Variants in BRINP3 observed in about 807,000 individuals in gnomAD.
The protein encoded by BRINP3 is BMP/retinoic acid inducible neural specific 3.
BRINP3 carries 19 observed loss-of-function variants against 71.0 expected under a neutral mutation model. The ratio of observed to expected loss-of-function variants is 0.27; its 90% CI spans 0.19 to 0.39. BRINP3 has a LOEUF of 0.39. Ranked by LOEUF, BRINP3 falls within the 10% of genes least tolerant of loss-of-function variation. BRINP3 has a pLI of 1.00. For missense variants in BRINP3, 959 were observed against 940.8 expected (o/e 1.02, Z -0.25); for synonymous variants, 380 against 337.7 (o/e 1.13, Z -1.37).
intron 2 of BRINP3, among the ~76,000 whole-genome samples, chr1:190,408,424 A>T (rs188746643): frequency 1.3e-3 from 195 of 152,172 alleles, no homozygotes; most frequent in African/African-American, 4.5e-3. Context: ...ACGATTTTCC[A>T]TGTAATTATG....
At chr1:190,445,509 T>G (rs1307556919) in intron 2 of BRINP3, among the ~76,000 whole-genome samples, 1 of 152,010 alleles carries the variant, frequency 6.6e-6, no homozygotes, top group African/African-American at 2.4e-5. Context: ...CAAATCACTT[T>G]TTTCTCATTA....
chr1:190,413,194 C>T (rs1037834178), intron 2 of BRINP3, among the ~76,000 whole-genome samples: 5 of 151,408 alleles, frequency 3.3e-5, no homozygotes, highest in African/African-American at 4.8e-5. Context: ...CGTGCATGTG[C>T]GTGTGTGTGT....
intron 6 of BRINP3, among the ~76,000 whole-genome samples, chr1:190,222,493 G>A (rs1001937180): frequency 2.0e-5 from 3 of 151,630 alleles, no homozygotes; most frequent in Admixed American, 6.6e-5. Flanking sequence ...CTCAACGAAC[G>A]AGAAAAGCAA....
intron 6 of BRINP3, among the ~76,000 whole-genome samples, chr1:190,179,033 T>C (rs1652804939): frequency 6.6e-6 from 1 of 152,150 alleles, no homozygotes; most frequent in African/African-American, 2.4e-5. Context: ...AATGTCAGCA[T>C]AATATTTAAA....
intron 2 of BRINP3, among the ~76,000 whole-genome samples, chr1:190,378,281 A>AG (rs1480627013): frequency 6.6e-6 from 1 of 152,186 alleles, no homozygotes; most frequent in East Asian, 1.9e-4. Flanking sequence ...CAGAAAAAAA[A>AG]CAAAAATGCT....
chr1:190,447,770 C>A (rs1380012149), intron 2 of BRINP3, among the ~76,000 whole-genome samples: 1 of 151,242 alleles, frequency 6.6e-6, no homozygotes, highest in Non-Finnish European at 1.5e-5. Flanking sequence ...ATTATTTTAA[C>A]TCTATTTTTA....
rs144135765 is a variant in BRINP3, at chr1:190,444,564, C to T, written c.236+10091G>A. ...ATTTATTTATTTTTTGAGACAGAGT[C>T]TTGCTCTGTCGCCAGCCTGGAGTTC... On this transcript the variant is annotated intron_variant, in intron 2 of 7. Coordinates refer to ENST00000367462, the MANE Select transcript of BRINP3 (RefSeq NM_199051.3). Among the ~76,000 whole-genome samples, 1,086 of 151,656 alleles carry T rather than the reference C, an allele frequency of 7.2e-3. 15 individuals are homozygous for T. Among genetic ancestry groups the T allele is most frequent in the African/African-American group, 0.024 (990 of 41,324 alleles).
intron 7 of BRINP3, among the ~76,000 whole-genome samples, chr1:190,140,500 CCTA>C (rs748779261): frequency 1.3e-5 from 2 of 151,964 alleles, no homozygotes; most frequent in Non-Finnish European, 2.9e-5. Context: ...CACATATAAA[CCTA>C]CTATTAATTA....
chr1:190,145,358 A>G (rs1440936052), intron 7 of BRINP3, among the ~76,000 whole-genome samples: 1 of 152,080 alleles, frequency 6.6e-6, no homozygotes, highest in Admixed American at 6.6e-5. Flanking sequence ...CTTCTTCTTT[A>G]TCAATTAAGG....
intron 6 of BRINP3, among the ~76,000 whole-genome samples, chr1:190,171,890 T>C (rs940406755): frequency 2.6e-5 from 4 of 151,922 alleles, no homozygotes; most frequent in Non-Finnish European, 5.9e-5. Flanking sequence ...GAGAATTGCT[T>C]GACACCAGAA....
chr1:190,262,157 G>T (rs1661239076), intron 4 of BRINP3, among the ~76,000 whole-genome samples: 2 of 152,160 alleles, frequency 1.3e-5, no homozygotes, highest in South Asian at 4.1e-4. Flanking sequence ...CAGTGCACAT[G>T]ATCATGGGTT....
chr1:190,334,047 C>T (rs1571776747), intron 2 of BRINP3, among the ~76,000 whole-genome samples: 1 of 151,958 alleles, frequency 6.6e-6, no homozygotes, highest in East Asian at 1.9e-4. Flanking sequence ...TTCCTTCCCA[C>T]ATTTTCACCT....
chr1:190,279,305 A>T (rs1316822826), intron 3 of BRINP3, among the ~76,000 whole-genome samples: 1 of 151,844 alleles, frequency 6.6e-6, no homozygotes, highest in South Asian at 2.1e-4. Flanking sequence ...CACTAACATA[A>T]TGAAAACAAC....
Position 190,161,853 on chromosome 1 carries a change from A to C in BRINP3, c.962-963T>G, listed in dbSNP as rs546916200. Among the ~76,000 whole-genome samples the C allele has an allele frequency of 1.1e-3, 166 of 152,336 alleles. 1 individual carries two copies. The highest frequency in any genetic ancestry group is 3.9e-3 in the African/African-American group (161 of 41,602). On this transcript the variant is annotated intron_variant, in intron 6 of 7. Transcript: ENST00000367462. ...CATGCTACAGCATAGACAGACCTTTAAGATATTACACTCAGTGAAATAAAC... is the reference window on the plus strand; with the variant it reads ...CATGCTACAGCATAGACAGACCTTTCAGATATTACACTCAGTGAAATAAAC...
chr1:190,176,952 C>T (rs1417672848), intron 6 of BRINP3, among the ~76,000 whole-genome samples: 1 of 152,118 alleles, frequency 6.6e-6, no homozygotes, highest in Non-Finnish European at 1.5e-5. Flanking sequence ...ACCCAAAACA[C>T]AAAGGCTTTG....
In BRINP3 at chr1:190,119,088, C is replaced by T. The variant is rs201178090; in HGVS notation, c.1185-19954G>A. 3.9e-5 allele frequency among the ~76,000 whole-genome samples: 6 copies of T among 151,938 alleles called. No individual in the cohort carries two copies. The East Asian group carries it at 1.2e-3, about 29-fold the overall frequency. ...AAGGATAATTGCTATTTATATTTTT[C>T]CGATTATCTGATTAGCACCTAAATA... On this transcript the variant is annotated intron_variant, in intron 7 of 7. Coordinates refer to ENST00000367462, the MANE Select transcript of BRINP3 (RefSeq NM_199051.3).
chr1:190,248,537 T>A (rs1659826408), intron 4 of BRINP3, among the ~76,000 whole-genome samples: 2 of 151,804 alleles, frequency 1.3e-5, no homozygotes, highest in Non-Finnish European at 2.9e-5. Flanking sequence ...ACTTTCAGAA[T>A]TTTTGTATTT....
At chr1:190,165,272 T>A (rs1432166692) in intron 6 of BRINP3, among the ~76,000 whole-genome samples, 1 of 152,022 alleles carries the variant, frequency 6.6e-6, no homozygotes, top group Admixed American at 6.6e-5. Context: ...CTTATGTTTG[T>A]GAACATAGGA....
chr1:190,114,675 C>T (rs1460940529), intron 7 of BRINP3, among the ~76,000 whole-genome samples: 1 of 151,888 alleles, frequency 6.6e-6, no homozygotes, highest in South Asian at 2.1e-4. Flanking sequence ...TCATTTAGTA[C>T]ACAAATGGGA....
Sources: gnomAD v4.1 joint callset for allele counts (sites outside exome capture counted in the v4.1 genomes callset) on GRCh38, gnomAD v4.1.1 for gene constraint, MANE v1.5 for transcripts, NCBI Gene and HGNC (gene_info 2026-07-23, HGNC 2026-07-21) for gene names.